ARHGEF17: variants seen among roughly 807,000 people sequenced by gnomAD.
The protein encoded by ARHGEF17 is 164 kDa Rho-specific guanine-nucleotide exchange factor.
Under a neutral mutation model 174.0 loss-of-function variants are expected in ARHGEF17, and 80 were observed. The ratio of observed to expected loss-of-function variants is 0.46; its 90% CI spans 0.38 to 0.55. ARHGEF17 has a LOEUF of 0.55. Among genes scored for constraint, ARHGEF17 ranks in the 20% least tolerant of loss-of-function variants. The pLI, the probability that ARHGEF17 is intolerant of heterozygous loss-of-function variation, is 0.00. For synonymous variants in ARHGEF17, 1,311 were observed against 1,189.1 expected (o/e 1.10, Z -2.11); for missense variants, 2,886 against 2,839.7 (o/e 1.02, Z -0.37).
chr11:73,329,358 TATATA>T lies in ARHGEF17; in HGVS notation c.3193-17524_3193-17520del, dbSNP rs1865160645. ...ATATATATATATATATATATATATA[TATATA>T]TATATATATATTTTTTTTTTTTTTT... On this transcript the variant is annotated intron_variant, in intron 1 of 20. Coordinates refer to ENST00000263674, the MANE Select transcript of ARHGEF17 (RefSeq NM_014786.4). Among the ~76,000 whole-genome samples, 13 of 22,684 alleles carry T rather than the reference TATATA, an allele frequency of 5.7e-4. 1 individual carries two copies. The highest frequency in any genetic ancestry group is 3.0e-3 in the African/African-American group (11 of 3,702). The allele number at this position is 22,684 out of a possible 152,430, so 14.9% of individuals were successfully genotyped here.
At chr11:73,341,249 TC>T (rs1865363228) in intron 1 of ARHGEF17, among the ~76,000 whole-genome samples, 1 of 152,210 alleles carries the variant, frequency 6.6e-6, no homozygotes, top group African/African-American at 2.4e-5. Flanking sequence ...AATCTGAGGA[TC>T]AGGGAGGGCT....
intron 1 of ARHGEF17, among the ~76,000 whole-genome samples, chr11:73,341,311 A>C (rs1380467941): frequency 6.6e-6 from 1 of 152,126 alleles, no homozygotes; most frequent in African/African-American, 2.4e-5. Flanking sequence ...TCTTTTTGAG[A>C]TGGAGTTTCG....
At chr11:73,366,140 TGCGC>T (rs1478630360) in intron 20 of ARHGEF17, among the ~76,000 whole-genome samples, 193 bp downstream of exon 20, 1 of 147,488 alleles carries the variant, frequency 6.8e-6, no homozygotes, top group African/African-American at 2.5e-5. Context: ...TGTGTGTGTG[TGCGC>T]ACCTGCATGT....
intron 1 of ARHGEF17, among the ~76,000 whole-genome samples, chr11:73,321,422 C>CT (rs1435057635): frequency 6.6e-6 from 1 of 152,210 alleles, no homozygotes; most frequent in East Asian, 1.9e-4. Flanking sequence ...GTCTGAGTGT[C>CT]TGTATGCCTG....
Position 73,346,798 on chromosome 11 carries a change from G to A in ARHGEF17, c.3193-85G>A, listed in dbSNP as rs1298245382. On this transcript the variant is annotated intron_variant, in intron 1 of 20. Transcript: ENST00000263674. ...AGGAGGGCAGGGAGAGGGTGTGGGC[G>A]GGTTCTCTGGGCACCATGTGGCTAC... 9 of 1,086,232 alleles carry A rather than the reference G, an allele frequency of 8.3e-6. No homozygotes were observed. The East Asian group carries it at 1.6e-4, about 19-fold the overall frequency. The allele number at this position is 1,086,232 out of a possible 1,614,324, so 67.3% of individuals were successfully genotyped here. A position where few individuals can be genotyped will look rare whatever the true frequency, so the allele number is the denominator to read the frequency against.
chr11:73,329,373 A>ATTTTTTTTTTTTTTT (rs1192905396), intron 1 of ARHGEF17, among the ~76,000 whole-genome samples: 2 of 13,170 alleles, frequency 1.5e-4, no homozygotes, highest in African/African-American at 1.0e-3. Flanking sequence ...ATATATATAT[A>ATTTTTTTTTTTTTTT]TTTTTTTTTT....
At chr11:73,338,267 C>A (rs1386495612) in intron 1 of ARHGEF17, among the ~76,000 whole-genome samples, 1 of 152,132 alleles carries the variant, frequency 6.6e-6, no homozygotes, top group Non-Finnish European at 1.5e-5. Context: ...AGTGAAGTGT[C>A]CTGCCCAAGG....
chr11:73,323,739 C>T (rs921459023), intron 1 of ARHGEF17, among the ~76,000 whole-genome samples: 1 of 152,244 alleles, frequency 6.6e-6, no homozygotes, highest in Non-Finnish European at 1.5e-5. Flanking sequence ...TGGCTAAATT[C>T]AGCCCCAGCT....
chr11:73,309,258 C>A lies in ARHGEF17; in HGVS notation c.620C>A (p.Ala207Glu). ...CGGCCGCAGCAGCAACAGGAGCGGGCGCAGCGTCCAGCGGATGGTTTACAT... is the reference window on the plus strand; with the variant it reads ...CGGCCGCAGCAGCAACAGGAGCGGGAGCAGCGTCCAGCGGATGGTTTACAT... ...LRRPQQQQER[A>E]QRPADGLHSW... The change falls in exon 1 of 21, where the codon GCG becomes GAG. Residue 207 changes from alanine (A) to glutamate (E), a missense_variant. Physicochemically the swap from Ala to Glu is moderately radical, Grantham distance 107. Around this residue, in one of 4 missense-constraint regions of ARHGEF17, gnomAD observed 1,728 missense variants for 1,461.2 expected, o/e 1.18. Coordinates refer to ENST00000263674, the MANE Select transcript of ARHGEF17 (RefSeq NM_014786.4). 6.2e-7 allele frequency: 1 copy of A among 1,608,316 alleles called. No individual in the cohort carries two copies. The highest frequency in any genetic ancestry group is 8.5e-7 in the Non-Finnish European group (1 of 1,177,632).
At chr11:73,318,904 G>A (rs527637462) in intron 1 of ARHGEF17, among the ~76,000 whole-genome samples, 7 of 152,344 alleles carry the variant, frequency 4.6e-5, no homozygotes, top group African/African-American at 1.7e-4. Context: ...CTAAGATCCA[G>A]GTGCTGACAG....
chr11:73,356,409 C>A (rs888288446), intron 6 of ARHGEF17, 58 bp downstream of exon 6: 2 of 1,484,218 alleles, frequency 1.3e-6, no homozygotes, highest in African/African-American at 1.4e-5. Flanking sequence ...TGTGTCCACT[C>A]GGCCTCTGTG....
chr11:73,314,040 C>T (rs1055558688), intron 1 of ARHGEF17, among the ~76,000 whole-genome samples: 2 of 152,202 alleles, frequency 1.3e-5, no homozygotes, highest in African/African-American at 4.8e-5. Flanking sequence ...CATCCATCAT[C>T]CTCCAATTTC....
At chr11:73,329,923 G>T (rs1433793180) in intron 1 of ARHGEF17, among the ~76,000 whole-genome samples, 2 of 152,122 alleles carry the variant, frequency 1.3e-5, no homozygotes, top group Middle Eastern at 3.2e-3. Context: ...GTAGGTTAGA[G>T]GCCCATTTCC....
chr11:73,364,716 C>T, intron 18 of ARHGEF17, 116 bp downstream of exon 18: 2 of 1,353,424 alleles, frequency 1.5e-6, no homozygotes. Flanking sequence ...CTAGGGCCTT[C>T]CTCTGACCAC....
rs1864776284 is a variant in ARHGEF17, at chr11:73,309,766, C to T, written c.1128C>T (p.Ser376=). 1 of 1,612,862 alleles carries T rather than the reference C, an allele frequency of 6.2e-7. No individual in the cohort carries two copies. The highest frequency in any genetic ancestry group is 1.3e-5 in the African/African-American group (1 of 74,920). Reference sequence around the variant, plus strand: ...GAGCTTTCCGTGTGGCCAAGGTGAGCTTTCCCTCGTACCTGGCCAGCCCCG... The same window carrying T: ...GAGCTTTCCGTGTGGCCAAGGTGAGTTTTCCCTCGTACCTGGCCAGCCCCG... The part of the protein sequence containing the change: ...VGGAFRVAKV[S]FPSYLASPAG... Residue 376 remains serine (S), a synonymous_variant, in exon 1 of 21, where the codon AGC becomes AGT. Coordinates refer to ENST00000263674, the MANE Select transcript of ARHGEF17 (RefSeq NM_014786.4).
At chr11:73,313,118 C>T (rs1341198200) in intron 1 of ARHGEF17, among the ~76,000 whole-genome samples, 2 of 152,210 alleles carry the variant, frequency 1.3e-5, no homozygotes, top group African/African-American at 2.4e-5. Flanking sequence ...CTCATGGCCC[C>T]TCTGAACTCC....
intron 20 of ARHGEF17, among the ~76,000 whole-genome samples, chr11:73,366,649 C>G (rs1865844351): frequency 6.6e-6 from 1 of 152,116 alleles, no homozygotes. Flanking sequence ...GTGGGAGACT[C>G]ACTTGAGCCC....
chr11:73,357,055 C>T lies in ARHGEF17; in HGVS notation c.3922C>T (p.Leu1308Phe). ...GATCGGTGGCAAGAAGGACCGGTCT[C>T]TCTTCCTGTTCACGGACCTCATCGT... ...KAIGGKKDRS[L>F]FLFTDLIVCT... Residue 1308 changes from leucine (L) to phenylalanine (F), a missense_variant, in exon 8 of 21, where the codon CTC becomes TTC. By Grantham distance (22) the Leu-to-Phe change is conservative. Around this residue, in one of 4 missense-constraint regions of ARHGEF17, gnomAD observed 353 missense variants for 470.3 expected, o/e 0.75. Coordinates refer to ENST00000263674, the MANE Select transcript of ARHGEF17 (RefSeq NM_014786.4). 3 of 1,614,204 alleles carry T rather than the reference C, an allele frequency of 1.9e-6. No individual in the cohort carries two copies. Among genetic ancestry groups the T allele is most frequent in the African/African-American group, 1.3e-5 (1 of 75,046 alleles).
chr11:73,322,446 G>T (rs1236080387), intron 1 of ARHGEF17, among the ~76,000 whole-genome samples: 1 of 152,226 alleles, frequency 6.6e-6, no homozygotes, highest in Non-Finnish European at 1.5e-5. Context: ...AAGGGGCCTT[G>T]CCCAAGGCCA....
Sources: gnomAD v4.1 joint callset for allele counts (sites outside exome capture counted in the v4.1 genomes callset) on GRCh38, gnomAD v4.1.1 for gene constraint, gnomAD v4.1.1 regional missense constraint, MANE v1.5 for transcripts, NCBI Gene and HGNC (gene_info 2026-07-23, HGNC 2026-07-21) for gene names.